Variants in FGD3 observed in about 807,000 individuals in gnomAD.
FGD3 encodes the protein FYVE, RhoGEF and PH domain containing 3, also known as FYVE, RhoGEF and PH domain-containing protein 3.
FGD3 carries 45 observed loss-of-function variants against 71.8 expected under a neutral mutation model. The ratio of observed to expected loss-of-function variants is 0.63; its 90% CI spans 0.49 to 0.80. The LOEUF (loss-of-function observed/expected upper bound fraction) is 0.80, where lower values mean the gene tolerates loss of function less well. Among genes scored for constraint, FGD3 ranks in the 30% least tolerant of loss-of-function variants. FGD3 has a pLI of 0.00. For missense variants in FGD3, 844 were observed against 951.5 expected, an observed-to-expected ratio of 0.89 and a Z score of 1.49; for synonymous variants, 378 against 392.8, an observed-to-expected ratio of 0.96 and a Z score of 0.44.
chr9:93,023,335 C>A (rs1861997192), intron 14 of FGD3, among the ~76,000 whole-genome samples: 1 of 152,188 alleles, frequency 6.6e-6, no homozygotes, highest in East Asian at 1.9e-4. Flanking sequence ...CACTGGGAAA[C>A]CATGAAGAAA....
At chr9:93,030,832 AGATGGATGCGTGGATGGATGGATGAGGG>A (rs1227648073) in intron 15 of FGD3, among the ~76,000 whole-genome samples, 12 of 151,718 alleles carry the variant, frequency 7.9e-5, no homozygotes, top group Admixed American at 3.9e-4. Context: ...ATCAATAGGT[AGATGGATGCGTGGATGGATGGATGAGGG>A]GATGGATGGA....
intron 14 of FGD3, 88 bp from the exon 15 acceptor site, chr9:93,029,786 C>T (rs945494066): frequency 1.1e-5 from 16 of 1,515,586 alleles, no homozygotes; most frequent in Non-Finnish European, 1.4e-5. Context: ...GTGGCTTTTA[C>T]AGTCACGAGA....
intron 3 of FGD3, among the ~76,000 whole-genome samples, chr9:92,995,747 C>G (rs1282372423): frequency 6.6e-6 from 1 of 152,082 alleles, no homozygotes. Context: ...TGGTTTTTGT[C>G]TTTGGTTCTG....
At chr9:93,034,341 C>T in intron 16 of FGD3, 200 bp from the exon 17 acceptor site, 2 of 566,170 alleles carry the variant, frequency 3.5e-6, no homozygotes, top group East Asian at 3.4e-5. Flanking sequence ...CCATCTGATA[C>T]CACACATGCC....
Position 93,011,200 on chromosome 9 carries a change from T to A in FGD3, c.977-14T>A. The stretch of plus-strand genomic sequence containing the variant: ...CACCGTGGCCCCAGGCTGAACACAG[T>A]CTTCTTCCTGCAGGGTCCTTGGAGC... On this transcript the variant is annotated splice_polypyrimidine_tract_variant and intron_variant, in intron 7 of 17. Coordinates refer to ENST00000375482, the MANE Select transcript of FGD3 (RefSeq NM_001083536.2). 1 of 1,613,980 alleles carries A rather than the reference T, an allele frequency of 6.2e-7. No individual in the cohort carries two copies. The highest frequency in any genetic ancestry group is 1.3e-5 in the African/African-American group (1 of 75,006).
intron 14 of FGD3, among the ~76,000 whole-genome samples, chr9:93,027,715 C>CTTTTTTTTTTTTTTTTTTT (rs1199094054): frequency 9.8e-6 from 1 of 102,002 alleles, no homozygotes; most frequent in Non-Finnish European, 1.8e-5. Flanking sequence ...TTCTTTCTTT[C>CTTTTTTTTTTTTTTTTTTT]TTTTTTTTTT....
intron 1 of FGD3, among the ~76,000 whole-genome samples, chr9:92,963,180 G>A (rs1019752886): frequency 7.2e-5 from 11 of 152,168 alleles, no homozygotes; most frequent in African/African-American, 2.7e-4. Context: ...GTTGTCAGAC[G>A]GGGATAACCA....
At chr9:92,965,951 G>A (rs756170044) in intron 1 of FGD3, among the ~76,000 whole-genome samples, 6 of 152,310 alleles carry the variant, frequency 3.9e-5, no homozygotes, top group East Asian at 3.9e-4. Flanking sequence ...AAGGAGGCTC[G>A]GAGGCAAGCA....
chr9:92,948,376 C>T (rs957512299), intron 1 of FGD3, among the ~76,000 whole-genome samples: 2 of 152,216 alleles, frequency 1.3e-5, no homozygotes, highest in South Asian at 2.1e-4. Context: ...TCCAGTTCTT[C>T]GGATAGACAT....
At chr9:92,989,706 C>T (rs1253744934) in intron 3 of FGD3, among the ~76,000 whole-genome samples, 1 of 152,198 alleles carries the variant, frequency 6.6e-6, no homozygotes, top group Non-Finnish European at 1.5e-5. Flanking sequence ...ATTATGTATT[C>T]ATCTGGTTCT....
intron 14 of FGD3, among the ~76,000 whole-genome samples, chr9:93,025,097 C>G (rs1398714373): frequency 6.6e-6 from 1 of 152,222 alleles, no homozygotes; most frequent in East Asian, 1.9e-4. Context: ...AGGCTGTGGC[C>G]AGCAGACCCG....
At chr9:92,983,178 C>T (rs1310762814) in intron 3 of FGD3, among the ~76,000 whole-genome samples, 3 of 151,852 alleles carry the variant, frequency 2.0e-5, no homozygotes, top group Non-Finnish European at 4.4e-5. Flanking sequence ...GTCAAAGACA[C>T]AATTGAAAAA....
chr9:93,010,248 GC>G lies in FGD3; in HGVS notation c.841del (p.Gln281ArgfsTer7), dbSNP rs1368460270. 1 of 1,607,918 alleles carries G rather than the reference GC, an allele frequency of 6.2e-7. No individual in the cohort carries two copies. The highest frequency in any genetic ancestry group is 1.7e-5 in the Admixed American group (1 of 59,692). ...CAATGCTCCCTCTGTCCCCACAGAA[GC>G]AGGAGGTATGCGGGAACCTGACGCT... ...FKDVVHSIQK[Q>X]EVCGNLTLQH... On this transcript the variant is annotated frameshift_variant, in exon 7 of 18. Coordinates refer to ENST00000375482, the MANE Select transcript of FGD3 (RefSeq NM_001083536.2). LOFTEE classifies it high-confidence loss of function.
chr9:92,987,318 G>A (rs992884453), intron 3 of FGD3, among the ~76,000 whole-genome samples: 1 of 151,874 alleles, frequency 6.6e-6, no homozygotes, highest in Non-Finnish European at 1.5e-5. Context: ...TGTAATCCCA[G>A]CTACTTGGGA....
intron 1 of FGD3, among the ~76,000 whole-genome samples, chr9:92,950,550 G>T (rs915733628): frequency 6.6e-6 from 1 of 152,222 alleles, no homozygotes; most frequent in African/African-American, 2.4e-5. Flanking sequence ...CAGCTTGGCA[G>T]TCCTTGCTCA....
chr9:92,982,130 C>A (rs1860022333), intron 3 of FGD3, among the ~76,000 whole-genome samples: 5 of 152,186 alleles, frequency 3.3e-5, no homozygotes, highest in Admixed American at 3.3e-4. Flanking sequence ...CTCTCCCTAT[C>A]CCTCTCTTCC....
chr9:92,959,940 G>A lies in FGD3; in HGVS notation c.-218+12211G>A, dbSNP rs12683538. Reference sequence around the variant, plus strand: ...ATGTGGCTCCACATTCCTCATGTCTGCGTGTTCTCATTCCTCATGTCCCCA... The same window carrying A: ...ATGTGGCTCCACATTCCTCATGTCTACGTGTTCTCATTCCTCATGTCCCCA... On this transcript the variant is annotated intron_variant, in intron 1 of 17. Transcript: ENST00000375482. 8.8e-4 allele frequency among the ~76,000 whole-genome samples: 133 copies of A among 151,538 alleles called. 3 individuals are homozygous for A. In the East Asian group the frequency reaches 0.023, roughly 27 times the overall value.
Position 93,035,542 on chromosome 9 carries a change from CCGGGGGCCCTGCAGCT to C in FGD3, c.2132_2147del (p.Pro711LeufsTer43). The stretch of plus-strand genomic sequence containing the variant: ...CCATGGGGACACGGCCCAGGACAGC[CCGGGGGCCCTGCAGCT>C]TCAGGTCCCTATGGGCGCAGCTGCT... On this transcript the variant is annotated frameshift_variant, in exon 18 of 18. Transcript: ENST00000375482. LOFTEE classifies it low-confidence loss of function (END_TRUNC). The C allele has an allele frequency of 6.2e-7, 1 of 1,606,990 alleles. No homozygotes were observed. Among genetic ancestry groups the C allele is most frequent in the Non-Finnish European group, 8.5e-7 (1 of 1,177,904 alleles).
chr9:93,020,296 C>T (rs1034926683), intron 12 of FGD3, 21 bp from the exon 13 acceptor site: 1 of 1,600,774 alleles, frequency 6.2e-7, no homozygotes. Context: ...ATAGTCCTCA[C>T]TGTTGTGTTG....
Sources: allele counts gnomAD v4.1 joint callset (sites outside exome capture counted in the v4.1 genomes callset), GRCh38; gene constraint gnomAD v4.1.1; transcripts MANE v1.5; gene names NCBI Gene and HGNC (gene_info 2026-07-23, HGNC 2026-07-21).